CD163L1: variants seen among roughly 807,000 people sequenced by gnomAD.
CD163L1 encodes CD163 molecule like 1.
Under a neutral mutation model 165.4 loss-of-function variants are expected in CD163L1, and 124 were observed. That is an observed-to-expected ratio of 0.75 (90% confidence interval 0.65 to 0.87). CD163L1 has a LOEUF of 0.87. CD163L1 is among the 40% of genes least tolerant of loss of function. CD163L1 has a pLI of 0.00. For synonymous variants in CD163L1, 585 were observed against 662.2 expected, an observed-to-expected ratio of 0.88 and a Z score of 1.79; for missense variants, 1,525 against 1,799.9, an observed-to-expected ratio of 0.85 and a Z score of 2.76.
At chr12:7,326,677 CTGTG>C in the CD163L1 span, among the ~76,000 whole-genome samples, 1 of 152,172 alleles carries the variant, frequency 6.6e-6, no homozygotes, top group African/African-American at 2.4e-5. Context: ...CAAGGACTGT[CTGTG>C]TAATAAATAG....
At chr12:7,336,809 GA>G in the CD163L1 span, among the ~76,000 whole-genome samples, 6 of 151,890 alleles carry the variant, frequency 4.0e-5, no homozygotes, top group African/African-American at 7.3e-5. Context: ...CACAGAATTA[GA>G]AAAAAACTAC....
At chr12:7,343,648 A>T (rs1565762330), downstream of CD163L1, among the ~76,000 whole-genome samples, 1 of 152,222 alleles carries the variant, frequency 6.6e-6, no homozygotes. Flanking sequence ...TGAGGATAGC[A>T]GCAAGCCATG....
At chr12:7,363,384 G>T (rs1946946479) in intron 18 of CD163L1, among the ~76,000 whole-genome samples, 1 of 151,100 alleles carries the variant, frequency 6.6e-6, no homozygotes, top group South Asian at 2.1e-4. Context: ...AAAAAAGAAA[G>T]AACAAACCAA....
intron 8 of CD163L1, among the ~76,000 whole-genome samples, chr12:7,395,713 T>C (rs1392003960): frequency 6.6e-6 from 1 of 152,202 alleles, no homozygotes; most frequent in Non-Finnish European, 1.5e-5. Flanking sequence ...ATTTGAGTCA[T>C]CTTGGGTACC....
chr12:7,439,722 G>A lies in CD163L1; in HGVS notation c.124+1432C>T, dbSNP rs878990454. The stretch of plus-strand genomic sequence containing the variant: ...CCTCCAGGTGAGTCTCGGGCTCCCA[G>A]GTATCGTCATCCGATGTATAGCCTT... On this transcript the variant is annotated intron_variant, in intron 2 of 19. Transcript: ENST00000313599. The A allele has an allele frequency of 6.8e-6, 11 of 1,610,662 alleles. No individual in the cohort carries two copies. The South Asian group carries it at 9.9e-5, about 14-fold the overall frequency.
At chr12:7,366,759 A>G in intron 18 of CD163L1, among the ~76,000 whole-genome samples, 1 of 152,156 alleles carries the variant, frequency 6.6e-6, no homozygotes, top group East Asian at 1.9e-4. Flanking sequence ...TATTTCCAAA[A>G]CAGATTGAGT....
rs1017643885 is a variant in CD163L1 at position 7,406,867 on chromosome 12, T to C, written c.767-15A>G. Reference sequence around the variant, plus strand: ...ATCACTACTATCTGAAACAGAGATATAAACACAAAGCCCAGGTGAAGTTTT... The same window carrying C: ...ATCACTACTATCTGAAACAGAGATACAAACACAAAGCCCAGGTGAAGTTTT... On this transcript the variant is annotated splice_polypyrimidine_tract_variant and intron_variant, in intron 4 of 19. Coordinates refer to ENST00000313599, the MANE Select transcript of CD163L1 (RefSeq NM_174941.6). The C allele has an allele frequency of 1.2e-6, 2 of 1,609,072 alleles. No homozygotes were observed. Among genetic ancestry groups the C allele is most frequent in the East Asian group, 4.5e-5 (2 of 44,858 alleles).
intron 6 of CD163L1, among the ~76,000 whole-genome samples, chr12:7,399,529 C>CTCTT (rs769107477): frequency 0.021 from 306 of 14,464 alleles, 3 homozygotes; most frequent in South Asian, 0.03. Context: ...CTCTTTCTTT[C>CTCTT]TCTTTCTTTC....
At chr12:7,373,960 G>T (rs574322462) in intron 13 of CD163L1, among the ~76,000 whole-genome samples, 2 of 152,200 alleles carry the variant, frequency 1.3e-5, no homozygotes, top group African/African-American at 4.8e-5. Context: ...ATTTGCAGGG[G>T]TGTCCAAGGG....
At position 7,398,498 on chromosome 12, in the gene CD163L1, T is replaced by C. The variant is rs1177153706; in HGVS notation, c.1495A>G (p.Thr499Ala). 1.2e-6 allele frequency: 2 copies of C among 1,613,750 alleles called. No homozygotes were observed. Among genetic ancestry groups the C allele is most frequent in the African/African-American group, 2.7e-5 (2 of 74,876 alleles). Residue 499 changes from threonine (T) to alanine (A), a missense_variant, in exon 7 of 20, where the codon ACT becomes GCT. Physicochemically the swap from Thr to Ala is moderately conservative, Grantham distance 58. Coordinates refer to ENST00000313599, the MANE Select transcript of CD163L1 (RefSeq NM_174941.6). The surrounding 1 kb of genome is among the most constrained non-coding windows in gnomAD (Gnocchi z 4.5). ...GTGCTCCATCTGTCATGACACACAGTCCCCCACTCTCCTTGGTATTTCACC... is the reference window on the plus strand; with the variant it reads ...GTGCTCCATCTGTCATGACACACAGCCCCCCACTCTCCTTGGTATTTCACC... ...LEVKYQGEWGTVCHDRWSTRN... is the reference protein window; with the variant it reads ...LEVKYQGEWGAVCHDRWSTRN...
chr12:7,425,526 T>C (rs1012376582), intron 4 of CD163L1, among the ~76,000 whole-genome samples: 4 of 149,930 alleles, frequency 2.7e-5, no homozygotes, highest in African/African-American at 9.7e-5. Flanking sequence ...GCAAAAGAAG[T>C]GAACAGAGTG....
the CD163L1 span, among the ~76,000 whole-genome samples, chr12:7,331,527 ACC>A: frequency 6.6e-6 from 1 of 151,958 alleles, no homozygotes; most frequent in African/African-American, 2.4e-5. Flanking sequence ...ACTGGGAGGC[ACC>A]CCCCAGTAGG....
chr12:7,336,650 A>T, the CD163L1 span, among the ~76,000 whole-genome samples: 5 of 152,272 alleles, frequency 3.3e-5, no homozygotes, highest in East Asian at 5.8e-4. Flanking sequence ...CTAAAACTTA[A>T]AGTATAATAA....
intron 14 of CD163L1, among the ~76,000 whole-genome samples, chr12:7,370,897 G>T (rs186922009): frequency 6.6e-6 from 1 of 152,182 alleles, no homozygotes; most frequent in Non-Finnish European, 1.5e-5. Context: ...CTTTGCTATG[G>T]TTTGGCTGTA....
intron 18 of CD163L1, 41 bp downstream of exon 18, chr12:7,367,195 C>A: frequency 7.9e-7 from 1 of 1,260,176 alleles, no homozygotes; most frequent in Non-Finnish European, 1.1e-6. Flanking sequence ...CCTCATATTC[C>A]CACCCTCTCC....
In CD163L1 at chr12:7,428,602, T is replaced by C. The variant is rs115266686; in HGVS notation, c.766+3814A>G. On this transcript the variant is annotated intron_variant, in intron 4 of 19. Coordinates refer to ENST00000313599, the MANE Select transcript of CD163L1 (RefSeq NM_174941.6). Reference sequence around the variant, plus strand: ...ACCAGCTTCTGGACTAAAGCCCCGTTCCTCACTTCTTCATTCTCCCATTCA... The same window carrying C: ...ACCAGCTTCTGGACTAAAGCCCCGTCCCTCACTTCTTCATTCTCCCATTCA... Among the ~76,000 whole-genome samples, 1,226 of 152,150 alleles carry C rather than the reference T, an allele frequency of 8.1e-3. 14 individuals carry two copies. Among genetic ancestry groups the C allele is most frequent in the African/African-American group, 0.028 (1,153 of 41,546 alleles).
Position 7,398,434 on chromosome 12 carries a change from C to G in CD163L1, c.1559G>C (p.Gly520Ala). 6.2e-7 allele frequency: 1 copy of G among 1,614,130 alleles called. No homozygotes were observed. The highest frequency in any genetic ancestry group is 1.1e-5 in the South Asian group (1 of 91,068). ...AAVVCKQLGC[G>A]KPLHVFGMTY... ...CATACCAAACACATGCAAAGGCTTT[C>G]CACATCCCAATTGTTTACAAACAAC... The change falls in exon 7 of 20, where the codon GGA (glycine) becomes GCA (alanine). Residue 520 changes from glycine (G) to alanine (A), a missense_variant. Physicochemically the swap from Gly to Ala is moderately conservative, Grantham distance 60. Transcript: ENST00000313599. This position sits in a 1 kb window ranked among gnomAD's most constrained non-coding sequence, Gnocchi z 4.5.
Position 7,367,225 on chromosome 12 carries a change from G to A in CD163L1, c.4279+11C>T. The stretch of plus-strand genomic sequence containing the variant: ...CTCTCCATGGAGTGCGGCCCCTGGA[G>A]TTGCACAGACCTGAGGTTCTTGTCC... On this transcript the variant is annotated intron_variant, in intron 18 of 19. Coordinates refer to ENST00000313599, the MANE Select transcript of CD163L1 (RefSeq NM_174941.6). The A allele has an allele frequency of 1.3e-6, 2 of 1,582,526 alleles. No individual in the cohort carries two copies. Among genetic ancestry groups the A allele is most frequent in the Non-Finnish European group, 1.7e-6 (2 of 1,154,198 alleles).
intron 4 of CD163L1, among the ~76,000 whole-genome samples, chr12:7,428,189 G>T (rs1948575237): frequency 6.6e-6 from 1 of 151,810 alleles, no homozygotes. Context: ...TCCCCTTTAT[G>T]GTTTTAACTA....
Sources: allele counts gnomAD v4.1 joint callset (sites outside exome capture counted in the v4.1 genomes callset), GRCh38; gene constraint gnomAD v4.1.1; non-coding constraint Gnocchi (gnomAD v3.1); transcripts MANE v1.5; gene names NCBI Gene and HGNC (gene_info 2026-07-23, HGNC 2026-07-21).